ARID4B: variants seen among roughly 807,000 people sequenced by gnomAD.
The protein encoded by ARID4B is AT-rich interaction domain 4B.
Under a neutral mutation model 147.5 loss-of-function variants are expected in ARID4B, and 26 were observed. The ratio of observed to expected loss-of-function variants is 0.18; its 90% confidence interval spans 0.13 to 0.24. ARID4B has a LOEUF of 0.24. Ranked by LOEUF, ARID4B falls within the 10% of genes least tolerant of loss-of-function variation. The pLI is 1.00. For missense variants in ARID4B, 1,179 were observed against 1,511.5 expected (o/e 0.78, Z 3.65); for synonymous variants, 512 against 507.9 (o/e 1.01, Z -0.11).
At chr1:235,261,837 T>C (rs985047876) in intron 2 of ARID4B, among the ~76,000 whole-genome samples, 1 of 152,216 alleles carries the variant, frequency 6.6e-6, no homozygotes, top group African/African-American at 2.4e-5. Flanking sequence ...AGGAAAATCA[T>C]GGAAGTAAGC....
At chr1:235,192,020 G>A (rs890828080) in intron 19 of ARID4B, among the ~76,000 whole-genome samples, 3 of 152,070 alleles carry the variant, frequency 2.0e-5, no homozygotes, top group African/African-American at 7.2e-5. Flanking sequence ...CACTTGAGTC[G>A]TGATAGCACC....
At chr1:235,242,797 A>G (rs777160304) in intron 7 of ARID4B, among the ~76,000 whole-genome samples, 3 of 152,114 alleles carry the variant, frequency 2.0e-5, no homozygotes, top group Non-Finnish European at 4.4e-5. Context: ...CCTTACATAT[A>G]AAATTGCAAG....
chr1:235,311,709 G>C (rs1190539565), intron 2 of ARID4B, among the ~76,000 whole-genome samples: 1 of 150,898 alleles, frequency 6.6e-6, no homozygotes, highest in Non-Finnish European at 1.5e-5. Flanking sequence ...GGGAGGCAGA[G>C]GTTGCAGTGA....
chr1:235,237,809 T>C (rs1668704574), intron 8 of ARID4B, among the ~76,000 whole-genome samples: 1 of 152,152 alleles, frequency 6.6e-6, no homozygotes, highest in African/African-American at 2.4e-5. Flanking sequence ...AATGAGAGAA[T>C]GAGAATAAAG....
At chr1:235,283,089 T>C (rs996064529) in intron 2 of ARID4B, among the ~76,000 whole-genome samples, 2 of 152,200 alleles carry the variant, frequency 1.3e-5, no homozygotes, top group African/African-American at 4.8e-5. Context: ...ACTACTTCAT[T>C]TTATAACAAA....
intron 17 of ARID4B, among the ~76,000 whole-genome samples, chr1:235,202,409 T>C (rs1666004536): frequency 6.6e-6 from 1 of 151,710 alleles, no homozygotes; most frequent in Admixed American, 6.6e-5. Flanking sequence ...GGTATATATA[T>C]GACTTGTCTG....
chr1:235,184,868 G>A (rs755807535), intron 19 of ARID4B, among the ~76,000 whole-genome samples: 6 of 152,146 alleles, frequency 3.9e-5, no homozygotes, highest in Non-Finnish European at 8.8e-5. Flanking sequence ...CCAGGCTGGA[G>A]TACAGTGGTG....
intron 8 of ARID4B, among the ~76,000 whole-genome samples, chr1:235,236,105 A>T (rs1289903926): frequency 6.6e-6 from 1 of 151,924 alleles, no homozygotes; most frequent in Non-Finnish European, 1.5e-5. Context: ...CTGTTTTCTT[A>T]TGATGTTACT....
At position 235,176,437 on chromosome 1, in the gene ARID4B, CAAAAAAAAAAAAAAAA is replaced by C. The variant is rs34808765; in HGVS notation, c.3449-1054_3449-1039del. 4.9e-4 allele frequency among the ~76,000 whole-genome samples: 11 copies of C among 22,522 alleles called. No homozygotes were observed. In the East Asian group the frequency reaches 0.017, roughly 36 times the overall value. 14.8% of individuals were successfully genotyped at this position (22,522 alleles called of 152,430 possible). Reference sequence around the variant, plus strand: ...CTGATTTTTCACTTAACAACATCACCAAAAAAAAAAAAAAAAAAAAAAAAAAAAAAAGGAGTTAAAC... The same window carrying C: ...CTGATTTTTCACTTAACAACATCACCAAAAAAAAAAAAAAAGGAGTTAAAC... On this transcript the variant is annotated intron_variant, in intron 21 of 23. Transcript: ENST00000264183.
chr1:235,251,741 G>A (rs1284716295), intron 6 of ARID4B, among the ~76,000 whole-genome samples: 2 of 152,126 alleles, frequency 1.3e-5, no homozygotes, highest in Admixed American at 1.3e-4. Flanking sequence ...TCCAAATAGT[G>A]AGTAGAGAAA....
chr1:235,230,839 C>T (rs1668172658), intron 10 of ARID4B, among the ~76,000 whole-genome samples: 1 of 151,364 alleles, frequency 6.6e-6, no homozygotes, highest in Non-Finnish European at 1.5e-5. Context: ...AAGAGAATTG[C>T]TTGAACCCAG....
intron 2 of ARID4B, among the ~76,000 whole-genome samples, chr1:235,309,944 C>T (rs942826775): frequency 5.5e-4 from 84 of 152,156 alleles, no homozygotes; most frequent in Non-Finnish European, 1.0e-3. Context: ...AAGGGAGGTG[C>T]AAGATGTGCT....
At chr1:235,288,651 TC>T (rs1320636570) in intron 2 of ARID4B, among the ~76,000 whole-genome samples, 1 of 152,228 alleles carries the variant, frequency 6.6e-6, no homozygotes. Flanking sequence ...TTTCTGTTTT[TC>T]CCTATTAAAG....
intron 2 of ARID4B, among the ~76,000 whole-genome samples, chr1:235,320,239 A>G (rs958028595): frequency 6.6e-6 from 1 of 152,174 alleles, no homozygotes; most frequent in Non-Finnish European, 1.5e-5. Flanking sequence ...CGGGAGACAG[A>G]GGCTGCAGTG....
Position 235,194,485 on chromosome 1 carries a change from C to T in ARID4B, c.1927-274G>A, listed in dbSNP as rs188231042. Among the ~76,000 whole-genome samples, 784 of 152,150 alleles carry T rather than the reference C, an allele frequency of 5.2e-3. 2 individuals are homozygous for T. Among genetic ancestry groups the T allele is most frequent in the Non-Finnish European group, 8.4e-3 (569 of 67,986 alleles). On this transcript the variant is annotated intron_variant, in intron 18 of 23. Coordinates refer to ENST00000264183, the MANE Select transcript of ARID4B (RefSeq NM_016374.6). ...TTAGGACTAGCAAACCTACAACTTG[C>T]TCTTCAGAATTAAAATCACAATACG...
chr1:235,210,308 C>T (rs1666632066), intron 17 of ARID4B, among the ~76,000 whole-genome samples: 1 of 151,994 alleles, frequency 6.6e-6, no homozygotes, highest in East Asian at 1.9e-4. Flanking sequence ...TCCCAAACTG[C>T]TTGTCATGAA....
chr1:235,222,785 C>T (rs964368434), intron 13 of ARID4B, among the ~76,000 whole-genome samples: 28 of 150,092 alleles, frequency 1.9e-4, no homozygotes, highest in Non-Finnish European at 2.8e-4. Flanking sequence ...TGGGTTCAAG[C>T]GATTCTCGTG....
intron 19 of ARID4B, among the ~76,000 whole-genome samples, 195 bp downstream of exon 19, chr1:235,193,818 C>CA (rs1034725520): frequency 6.0e-4 from 90 of 150,248 alleles, no homozygotes; most frequent in African/African-American, 1.8e-3. Context: ...ATTCCAAAAT[C>CA]AAAAAAAAAT....
At chr1:235,270,628 A>C (rs1263170820) in intron 2 of ARID4B, among the ~76,000 whole-genome samples, 2 of 152,254 alleles carry the variant, frequency 1.3e-5, no homozygotes, top group Non-Finnish European at 2.9e-5. Flanking sequence ...GCAAACAGGC[A>C]AGAGAGAAAT....
Sources: allele counts gnomAD v4.1 joint callset (sites outside exome capture counted in the v4.1 genomes callset), GRCh38; gene constraint gnomAD v4.1.1; transcripts MANE v1.5; gene names NCBI Gene and HGNC (gene_info 2026-07-23, HGNC 2026-07-21).